ATF2: variants seen among roughly 807,000 people sequenced by gnomAD.
ATF2 encodes cyclic AMP-dependent transcription factor ATF-2.
Under a neutral mutation model 60.6 loss-of-function variants are expected in ATF2, and 24 were observed. The observed-to-expected ratio is 0.40, with a 90% confidence interval of 0.29 to 0.56. ATF2 has a LOEUF of 0.56. Ranked by LOEUF, ATF2 falls within the 20% of genes least tolerant of loss-of-function variation. ATF2 has a pLI of 0.54. For missense variants in ATF2, 433 were observed against 607.7 expected (o/e 0.71, Z 3.02); for synonymous variants, 206 against 215.4 (o/e 0.96, Z 0.38).
rs59377518 is a variant in ATF2, at chr2:175,108,961, T to C, written c.828+2607A>G. 2.7e-3 allele frequency among the ~76,000 whole-genome samples: 404 copies of C among 152,154 alleles called. 2 individuals carry two copies. Among genetic ancestry groups the C allele is most frequent in the African/African-American group, 8.6e-3 (356 of 41,518 alleles). On this transcript the variant is annotated intron_variant, in intron 10 of 13. Transcript: ENST00000264110. ...TGCAAGATGTGCTTTGTTAAACAGA[T>C]GCATGAAGGCAGCATGCTCGTTAAG...
chr2:175,149,927 T>C (rs186410200), intron 2 of ATF2, among the ~76,000 whole-genome samples: 4 of 152,262 alleles, frequency 2.6e-5, no homozygotes, highest in African/African-American at 9.6e-5. Context: ...ATTTACCCCA[T>C]CATTCAGTCA....
chr2:175,074,461 C>T lies in ATF2; in HGVS notation c.*148G>A. On this transcript the variant is annotated 3_prime_UTR_variant, in exon 14 of 14. Coordinates refer to ENST00000264110, the MANE Select transcript of ATF2 (RefSeq NM_001880.4). Reference sequence around the variant, plus strand: ...CGTTTTTCAGTCTGATCAACTGCTGCTACACCAACTTTAGAGCCAAATTTA... The same window carrying T: ...CGTTTTTCAGTCTGATCAACTGCTGTTACACCAACTTTAGAGCCAAATTTA... 2.0e-6 allele frequency: 2 copies of T among 1,006,022 alleles called. No homozygotes were observed. The highest frequency in any genetic ancestry group is 2.8e-6 in the Non-Finnish European group (2 of 709,446). The allele number at this position is 1,006,022 out of a possible 1,614,324, so 62.3% of individuals were successfully genotyped here. A position where few individuals can be genotyped will look rare whatever the true frequency, so the allele number is the denominator to read the frequency against.
intron 2 of ATF2, among the ~76,000 whole-genome samples, chr2:175,146,917 G>C (rs1202722655): frequency 6.6e-6 from 1 of 151,968 alleles, no homozygotes; most frequent in Non-Finnish European, 1.5e-5. Flanking sequence ...TATATAATTA[G>C]CATCGATGTA....
chr2:175,160,746 A>G (rs1339660096), intron 1 of ATF2, among the ~76,000 whole-genome samples: 2 of 152,116 alleles, frequency 1.3e-5, no homozygotes, highest in African/African-American at 4.8e-5. Flanking sequence ...GGATTGGTGG[A>G]GTAGAAGAAA....
intron 11 of ATF2, 130 bp from the exon 12 acceptor site, chr2:175,093,397 G>A (rs1694689822): frequency 5.7e-6 from 5 of 874,146 alleles, no homozygotes; most frequent in African/African-American, 1.7e-5. Flanking sequence ...AGTATGTTGG[G>A]GCAATATGAA....
At chr2:175,152,700 A>G (rs1699393796) in intron 1 of ATF2, among the ~76,000 whole-genome samples, 1 of 152,240 alleles carries the variant, frequency 6.6e-6, no homozygotes, top group Non-Finnish European at 1.5e-5. Context: ...TGTTTAAAAC[A>G]CTGTTGTATC....
chr2:175,079,008 A>G (rs1693568866), intron 13 of ATF2, among the ~76,000 whole-genome samples: 1 of 152,144 alleles, frequency 6.6e-6, no homozygotes, highest in African/African-American at 2.4e-5. Context: ...AACATATCCT[A>G]TTCATTTCTT....
chr2:175,167,211 G>A (rs1027753213), intron 1 of ATF2, among the ~76,000 whole-genome samples: 1 of 151,808 alleles, frequency 6.6e-6, no homozygotes, highest in African/African-American at 2.4e-5. Flanking sequence ...TCGGTTAAAC[G>A]AGCGAACATA....
chr2:175,141,973 G>A (rs1228889774), intron 2 of ATF2, among the ~76,000 whole-genome samples: 1 of 151,904 alleles, frequency 6.6e-6, no homozygotes, highest in Admixed American at 6.6e-5. Context: ...CCCAAGATTA[G>A]AGGAAGAGAT....
In ATF2 at chr2:175,093,049, T is replaced by C; in HGVS notation, c.1185+12A>G. The C allele has an allele frequency of 6.2e-7, 1 of 1,612,858 alleles. No homozygotes were observed. The highest frequency in any genetic ancestry group is 8.5e-7 in the Non-Finnish European group (1 of 1,179,646). ...AAAGAAATAAAACAAAATTCACATA[T>C]ATGCACCATACCTGCAGCTGACCAT... On this transcript the variant is annotated intron_variant, in intron 12 of 13. Coordinates refer to ENST00000264110, the MANE Select transcript of ATF2 (RefSeq NM_001880.4).
At chr2:175,107,122 CTCAA>C (rs1695726311) in intron 10 of ATF2, among the ~76,000 whole-genome samples, 1 of 152,094 alleles carries the variant, frequency 6.6e-6, no homozygotes, top group Non-Finnish European at 1.5e-5. Context: ...CAAACCCCGT[CTCAA>C]TCAATCAATC....
chr2:175,086,896 T>C (rs1027619958), intron 12 of ATF2, among the ~76,000 whole-genome samples: 4 of 152,058 alleles, frequency 2.6e-5, no homozygotes, highest in Non-Finnish European at 5.9e-5. Context: ...AGAAGACAGG[T>C]AGACAGAGAG....
At chr2:175,122,577 A>C (rs1479657213) in intron 4 of ATF2, among the ~76,000 whole-genome samples, 2 of 152,038 alleles carry the variant, frequency 1.3e-5, no homozygotes, top group African/African-American at 4.8e-5. Flanking sequence ...GGGTTACCTT[A>C]AACACAATGT....
chr2:175,088,979 C>T lies in ATF2; in HGVS notation c.1185+4082G>A, dbSNP rs533472627. ...GGCAGATCACTTGAGGTCGGGAGTTCGAGACCAGCCTGACCAACGTGGAGA... is the reference window on the plus strand; with the variant it reads ...GGCAGATCACTTGAGGTCGGGAGTTTGAGACCAGCCTGACCAACGTGGAGA... On this transcript the variant is annotated intron_variant, in intron 12 of 13. Coordinates refer to ENST00000264110, the MANE Select transcript of ATF2 (RefSeq NM_001880.4). Among the ~76,000 whole-genome samples the T allele has an allele frequency of 4.1e-4, 63 of 152,120 alleles. 1 individual carries two copies. The highest frequency in any genetic ancestry group is 8.1e-4 in the Non-Finnish European group (55 of 67,998).
At chr2:175,093,380 A>T (rs1015289737) in intron 11 of ATF2, 113 bp from the exon 12 acceptor site, 5 of 999,384 alleles carry the variant, frequency 5.0e-6, no homozygotes, top group Non-Finnish European at 7.3e-6. Context: ...GTCTTGTTGA[A>T]TACATCAGTA....
chr2:175,122,356 A>T (rs183479842), intron 4 of ATF2, among the ~76,000 whole-genome samples: 1 of 152,134 alleles, frequency 6.6e-6, no homozygotes, highest in African/African-American at 2.4e-5. Flanking sequence ...TTATAACTGA[A>T]AACAGGGAGC....
At position 175,118,131 on chromosome 2, in the gene ATF2, T is replaced by C. The variant is rs760580072; in HGVS notation, c.319-13A>G. ...AATCTAGAGGCATCTATAATTCAAA[T>C]AATAAGGAAAAGGTTATAAGTTCAA... On this transcript the variant is annotated splice_polypyrimidine_tract_variant and intron_variant, in intron 6 of 13. Transcript: ENST00000264110. The C allele has an allele frequency of 3.1e-6, 5 of 1,606,968 alleles. No individual in the cohort carries two copies. Among genetic ancestry groups the C allele is most frequent in the Non-Finnish European group, 4.2e-6 (5 of 1,177,218 alleles).
rs904125689 is a variant in ATF2 at position 175,073,231 on chromosome 2, T to A, written c.*1378A>T. On this transcript the variant is annotated 3_prime_UTR_variant, in exon 14 of 14. Coordinates refer to ENST00000264110, the MANE Select transcript of ATF2 (RefSeq NM_001880.4). Reference sequence around the variant, plus strand: ...CTGTATTTTGAACATAACTGCAGAATAAAAATAGATAATGGCACATTAGAA... The same window carrying A: ...CTGTATTTTGAACATAACTGCAGAAAAAAAATAGATAATGGCACATTAGAA... The A allele has an allele frequency of 6.6e-6, 1 of 152,130 alleles. No individual in the cohort carries two copies. The highest frequency in any genetic ancestry group is 2.4e-5 in the African/African-American group (1 of 41,428). The allele number at this position is 152,130 out of a possible 1,614,324, so 9.4% of individuals were successfully genotyped here.
At chr2:175,128,170 T>C (rs1697470481) in intron 4 of ATF2, among the ~76,000 whole-genome samples, 1 of 152,160 alleles carries the variant, frequency 6.6e-6, no homozygotes, top group South Asian at 2.1e-4. Flanking sequence ...TTTCAGGAAA[T>C]TATGCTGGGA....
Sources: allele counts gnomAD v4.1 joint callset (sites outside exome capture counted in the v4.1 genomes callset), GRCh38; gene constraint gnomAD v4.1.1; transcripts MANE v1.5; gene names NCBI Gene and HGNC (gene_info 2026-07-23, HGNC 2026-07-21).